RASSF6: variants seen among roughly 807,000 people sequenced by gnomAD.
RASSF6 encodes ras association domain-containing protein 6.
RASSF6 carries 52 observed loss-of-function variants against 44.0 expected under a neutral mutation model. That is an observed-to-expected ratio of 1.18 (90% confidence interval 0.95 to 1.49). The LOEUF is 1.49. Among genes scored for constraint, RASSF6 ranks in the 40% most tolerant of loss-of-function variants. The pLI, the probability that RASSF6 is intolerant of heterozygous loss-of-function variation, is 0.00. For missense variants in RASSF6, 464 were observed against 393.3 expected (o/e 1.18, Z -1.52); for synonymous variants, 162 against 124.6 (o/e 1.30, Z -2.00).
intron 3 of RASSF6, among the ~76,000 whole-genome samples, chr4:73,597,198 G>A (rs1724990570): frequency 1.3e-5 from 2 of 152,240 alleles, no homozygotes; most frequent in South Asian, 2.1e-4. Flanking sequence ...CTACAGAATG[G>A]GAGAATATTT....
At chr4:73,587,474 C>T (rs1724184851) in intron 5 of RASSF6, among the ~76,000 whole-genome samples, 1 of 151,966 alleles carries the variant, frequency 6.6e-6, no homozygotes. Flanking sequence ...TGGGCTTGGC[C>T]TAACATATAA....
At chr4:73,595,450 C>T (rs560950093) in intron 3 of RASSF6, among the ~76,000 whole-genome samples, 11 of 152,196 alleles carry the variant, frequency 7.2e-5, no homozygotes, top group African/African-American at 1.4e-4. Context: ...CCACCTGCCT[C>T]GGCCTCCCAA....
chr4:73,589,271 C>T (rs1233282542), intron 4 of RASSF6, among the ~76,000 whole-genome samples: 1 of 152,090 alleles, frequency 6.6e-6, no homozygotes, highest in Admixed American at 6.6e-5. Context: ...AGGAAAACTA[C>T]CAGGTCCTGA....
intron 4 of RASSF6, among the ~76,000 whole-genome samples, chr4:73,589,619 C>A (rs1012072045): frequency 1.3e-5 from 2 of 151,922 alleles, no homozygotes; most frequent in Non-Finnish European, 1.5e-5. Flanking sequence ...CAGAAAACAC[C>A]AGTTTTCAGC....
At chr4:73,615,968 T>C in intron 1 of RASSF6, 2 of 1,536,748 alleles carry the variant, frequency 1.3e-6, no homozygotes, top group Non-Finnish European at 1.8e-6. Flanking sequence ...GGGTCAGTCA[T>C]TTAAAGTAAC....
chr4:73,579,331 T>C (rs971592274), intron 8 of RASSF6, among the ~76,000 whole-genome samples: 4 of 152,224 alleles, frequency 2.6e-5, no homozygotes, highest in African/African-American at 9.6e-5. Context: ...AAAGGACATA[T>C]ATACTGTAAA....
intron 2 of RASSF6, chr4:73,604,474 A>AAAAACAAAAC (rs370090909): frequency 4.6e-5 from 7 of 152,128 alleles, no homozygotes; most frequent in African/African-American, 1.7e-4. Flanking sequence ...TCTGTCTCAA[A>AAAAACAAAAC]AAAACAAAAC....
intron 2 of RASSF6, among the ~76,000 whole-genome samples, chr4:73,600,063 C>T (rs1002467088): frequency 6.6e-6 from 1 of 152,194 alleles, no homozygotes; most frequent in East Asian, 1.9e-4. Context: ...CAAAAGTCAT[C>T]TTCTCAAGAA....
intron 3 of RASSF6, among the ~76,000 whole-genome samples, chr4:73,597,462 GT>G (rs1297277276): frequency 2.0e-5 from 3 of 152,116 alleles, no homozygotes; most frequent in African/African-American, 7.2e-5. Flanking sequence ...TTATTAAAAA[GT>G]CAAAAAATAA....
intron 1 of RASSF6, among the ~76,000 whole-genome samples, chr4:73,615,289 C>G (rs1726280629): frequency 6.6e-6 from 1 of 151,978 alleles, no homozygotes; most frequent in South Asian, 2.1e-4. Flanking sequence ...CATTCCCATT[C>G]ACCATGATTC....
rs926859547 is a variant in RASSF6 at position 73,582,303 on chromosome 4, T to C, written c.568-13A>G. 2.9e-6 allele frequency: 4 copies of C among 1,393,430 alleles called. No homozygotes were observed. The highest frequency in any genetic ancestry group is 4.0e-6 in the Non-Finnish European group (4 of 992,778). The allele number at this position is 1,393,430 out of a possible 1,614,324, so 86.3% of individuals were successfully genotyped here. A position where few individuals can be genotyped will look rare whatever the true frequency, so the allele number is the denominator to read the frequency against. On this transcript the variant is annotated splice_polypyrimidine_tract_variant and intron_variant, in intron 6 of 10. Coordinates refer to ENST00000307439, the MANE Select transcript of RASSF6 (RefSeq NM_177532.5). ...TGAAAATTGATGTCTAGAAAAAGAA[T>C]TGTCACATAAGTCTTTAAAATTATA... is the stretch of plus-strand genomic sequence containing the variant.
intron 8 of RASSF6, among the ~76,000 whole-genome samples, chr4:73,579,074 T>C (rs1054202237): frequency 1.3e-5 from 2 of 152,212 alleles, no homozygotes; most frequent in Admixed American, 6.5e-5. Flanking sequence ...TGGGATCTTT[T>C]ATATATACCT....
At chr4:73,585,131 A>T (rs772946360) in intron 6 of RASSF6, 49 bp downstream of exon 6, 121 of 1,345,466 alleles carry the variant, frequency 9.0e-5, no homozygotes, top group Non-Finnish European at 1.1e-4. Flanking sequence ...TGTTAGTGAA[A>T]CAGGGAACCT....
chr4:73,603,552 G>A (rs1725422710), intron 2 of RASSF6, among the ~76,000 whole-genome samples: 2 of 152,154 alleles, frequency 1.3e-5, no homozygotes, highest in South Asian at 4.2e-4. Context: ...GTTTTAATGA[G>A]TAATAGTGGA....
intron 3 of RASSF6, among the ~76,000 whole-genome samples, chr4:73,593,862 T>C (rs910574513): frequency 6.6e-6 from 1 of 152,230 alleles, no homozygotes; most frequent in Non-Finnish European, 1.5e-5. Flanking sequence ...TCAAAATGCT[T>C]TCTGAACTCT....
At chr4:73,580,069 G>C (rs974054145) in intron 8 of RASSF6, among the ~76,000 whole-genome samples, 1 of 131,350 alleles carries the variant, frequency 7.6e-6, no homozygotes, top group Non-Finnish European at 1.5e-5. Context: ...TCCCCTTCCT[G>C]TGTCCATGTG....
At chr4:73,597,741 A>G (rs926376011) in intron 3 of RASSF6, among the ~76,000 whole-genome samples, 1 of 152,224 alleles carries the variant, frequency 6.6e-6, no homozygotes, top group African/African-American at 2.4e-5. Flanking sequence ...TTAATGATAG[A>G]TGGGATAAAG....
Position 73,575,665 on chromosome 4 carries a change from GT to G in RASSF6, c.*569del, listed in dbSNP as rs1723164830. The G allele has an allele frequency of 1.3e-5, 2 of 152,092 alleles. No individual in the cohort carries two copies. Among genetic ancestry groups the G allele is most frequent in the Admixed American group, 1.3e-4 (2 of 15,254 alleles). 9.4% of individuals were successfully genotyped at this position (152,092 alleles called of 1,614,324 possible). ...ATTTCAATTAGGATTTCTTAACAGAGTCCATAATTTTTCCTTTCCAAAGGCC... is the reference window on the plus strand; with the variant it reads ...ATTTCAATTAGGATTTCTTAACAGAGCCATAATTTTTCCTTTCCAAAGGCC... On this transcript the variant is annotated 3_prime_UTR_variant, in exon 11 of 11. Coordinates refer to ENST00000307439, the MANE Select transcript of RASSF6 (RefSeq NM_177532.5).
intron 3 of RASSF6, among the ~76,000 whole-genome samples, chr4:73,594,501 T>G (rs879339123): frequency 6.6e-6 from 1 of 152,226 alleles, no homozygotes; most frequent in Non-Finnish European, 1.5e-5. Context: ...CTTGGACAAG[T>G]CACTGGCTAC....
Sources: gnomAD v4.1 joint callset for allele counts (sites outside exome capture counted in the v4.1 genomes callset) on GRCh38, gnomAD v4.1.1 for gene constraint, MANE v1.5 for transcripts, NCBI Gene and HGNC (gene_info 2026-07-23, HGNC 2026-07-21) for gene names.